The following ATE1 variants were observed in gnomAD, a reference collection of about 807,000 sequenced individuals.
The protein encoded by ATE1 is arginyltransferase 1, also known as arginyl-tRNA--protein transferase 1.
In ATE1, 36 loss-of-function variants were observed where a neutral mutation model predicts 70.5. That is an observed-to-expected ratio of 0.51 (90% CI 0.39 to 0.67). The LOEUF (loss-of-function observed/expected upper bound fraction) is 0.67. Ranked by LOEUF, ATE1 falls within the 30% of genes least tolerant of loss-of-function variation. ATE1 has a pLI of 0.00. For synonymous variants in ATE1, 232 were observed against 219.3 expected (o/e 1.06, Z -0.51); for missense variants, 593 against 629.5 (o/e 0.94, Z 0.62).
chr10:121,857,190 T>C (rs1564900330), intron 8 of ATE1, among the ~76,000 whole-genome samples: 2 of 152,204 alleles, frequency 1.3e-5, no homozygotes, highest in African/African-American at 2.4e-5. Flanking sequence ...ATACTAAGGT[T>C]TGGGATACAA....
intron 7 of ATE1, among the ~76,000 whole-genome samples, chr10:121,888,848 T>C (rs369377789): frequency 6.6e-6 from 1 of 152,160 alleles, no homozygotes; most frequent in East Asian, 1.9e-4. Context: ...TAACTCACAC[T>C]ACCATAATGT....
At chr10:121,862,866 T>C (rs1386343200) in intron 8 of ATE1, among the ~76,000 whole-genome samples, 4 of 152,122 alleles carry the variant, frequency 2.6e-5, no homozygotes, top group Non-Finnish European at 5.9e-5. Flanking sequence ...ACAAAGACCA[T>C]GGCAACACCC....
At chr10:121,833,854 A>G (rs1027562103) in intron 10 of ATE1, among the ~76,000 whole-genome samples, 2 of 152,170 alleles carry the variant, frequency 1.3e-5, no homozygotes, top group African/African-American at 4.8e-5. Context: ...TGAGGCTCTC[A>G]GCTGTGAAAA....
At chr10:121,768,294 T>G (rs1945359228) in intron 11 of ATE1, among the ~76,000 whole-genome samples, 1 of 152,198 alleles carries the variant, frequency 6.6e-6, no homozygotes, top group Non-Finnish European at 1.5e-5. Flanking sequence ...AAAAGGTCAA[T>G]AGTATTCCAA....
chr10:121,744,212 G>A (rs114963270), intron 11 of ATE1, among the ~76,000 whole-genome samples: 1,653 of 151,930 alleles, frequency 0.011, 35 homozygotes, highest in African/African-American at 0.038. Context: ...TTGAGTCACT[G>A]TACCCAGCCT....
At chr10:121,916,752 T>C (rs1417019453) in intron 3 of ATE1, among the ~76,000 whole-genome samples, 1 of 151,792 alleles carries the variant, frequency 6.6e-6, no homozygotes, top group African/African-American at 2.4e-5. Context: ...GGAGAATCAC[T>C]TGAACCTGGG....
upstream of ATE1, chr10:121,928,204 A>G: frequency 7.5e-7 from 1 of 1,326,056 alleles, no homozygotes; most frequent in Non-Finnish European, 9.7e-7. Context: ...TGAGGCGGAG[A>G]GACAGAGCGG....
chr10:121,762,093 C>T (rs546746316), intron 11 of ATE1, among the ~76,000 whole-genome samples: 46 of 152,310 alleles, frequency 3.0e-4, no homozygotes, highest in African/African-American at 9.1e-4. Flanking sequence ...AAAATGGATA[C>T]GTTTCTGTCT....
At chr10:121,887,491 G>C (rs1174570571) in intron 7 of ATE1, among the ~76,000 whole-genome samples, 1 of 152,072 alleles carries the variant, frequency 6.6e-6, no homozygotes, top group Admixed American at 6.6e-5. Context: ...AGGAGGATCA[G>C]GTGATGCCAG....
intron 10 of ATE1, among the ~76,000 whole-genome samples, chr10:121,822,737 A>G (rs1451792686): frequency 1.3e-5 from 2 of 152,150 alleles, no homozygotes; most frequent in Non-Finnish European, 2.9e-5. Flanking sequence ...TTTCACATGC[A>G]ATGCAGGCTC....
chr10:121,765,816 T>C (rs1381718919), intron 11 of ATE1, among the ~76,000 whole-genome samples: 2 of 152,212 alleles, frequency 1.3e-5, no homozygotes, highest in Non-Finnish European at 2.9e-5. Context: ...ATTTTGGTAT[T>C]AGACGTTAGC....
chr10:121,898,884 A>C (rs780256538), intron 7 of ATE1: 1 of 1,614,046 alleles, frequency 6.2e-7, no homozygotes. Flanking sequence ...GTGTATGGCC[A>C]CTTGATACTT....
At chr10:121,912,920 C>A (rs1564959294) in intron 4 of ATE1, among the ~76,000 whole-genome samples, 3 of 125,542 alleles carry the variant, frequency 2.4e-5, no homozygotes. Context: ...TGCTCTGTCA[C>A]CCACGCTGGA....
chr10:121,861,400 T>C (rs1336642612), intron 8 of ATE1, among the ~76,000 whole-genome samples: 1 of 151,972 alleles, frequency 6.6e-6, no homozygotes, highest in Non-Finnish European at 1.5e-5. Context: ...TATCATGAGA[T>C]ATATGGCTGC....
At chr10:121,864,598 A>G (rs1949595078) in intron 8 of ATE1, among the ~76,000 whole-genome samples, 3 of 152,296 alleles carry the variant, frequency 2.0e-5, no homozygotes, top group Middle Eastern at 3.4e-3. Context: ...ATTTAGTACC[A>G]TCATAATCAG....
chr10:121,842,351 T>C (rs1362473251), intron 8 of ATE1, among the ~76,000 whole-genome samples: 1 of 152,118 alleles, frequency 6.6e-6, no homozygotes, highest in Non-Finnish European at 1.5e-5. Flanking sequence ...AAACAGCCTT[T>C]CCTGGAGACT....
intron 4 of ATE1, among the ~76,000 whole-genome samples, chr10:121,911,957 G>A (rs1294766897): frequency 2.0e-5 from 3 of 151,940 alleles, no homozygotes; most frequent in African/African-American, 4.8e-5. Flanking sequence ...TGTGTTAGCC[G>A]GGATGGTCTC....
intron 7 of ATE1, among the ~76,000 whole-genome samples, chr10:121,879,026 T>C (rs531886245): frequency 6.6e-6 from 1 of 152,258 alleles, no homozygotes; most frequent in South Asian, 2.1e-4. Context: ...CAAATAGGTG[T>C]TTAGGTAACA....
intron 10 of ATE1, among the ~76,000 whole-genome samples, chr10:121,830,539 A>T (rs991429073): frequency 6.6e-6 from 1 of 152,188 alleles, no homozygotes; most frequent in African/African-American, 2.4e-5. Context: ...TTTCTTTATA[A>T]ATTCTCAAAC....
Sources: gnomAD v4.1 joint callset for allele counts (sites outside exome capture counted in the v4.1 genomes callset) on GRCh38, gnomAD v4.1.1 for gene constraint, MANE v1.5 for transcripts, NCBI Gene and HGNC (gene_info 2026-07-23, HGNC 2026-07-21) for gene names.